Variants in SORCS3 observed in about 807,000 individuals in gnomAD.
SORCS3 encodes the protein sortilin related VPS10 domain containing receptor 3.
In SORCS3, 57 loss-of-function variants were observed where a neutral mutation model predicts 146.3. That is an observed-to-expected ratio of 0.39 (90% CI 0.31 to 0.49). The LOEUF is 0.49. SORCS3 is among the 20% of genes least tolerant of loss of function. The pLI is 0.92. For missense variants in SORCS3, 1,341 were observed against 1,575.5 expected (o/e 0.85, Z 2.52); for synonymous variants, 653 against 618.5 (o/e 1.06, Z -0.83).
At chr10:105,160,456 G>A (rs191491484) in intron 11 of SORCS3, among the ~76,000 whole-genome samples, 5 of 152,118 alleles carry the variant, frequency 3.3e-5, no homozygotes, top group East Asian at 1.9e-4. Context: ...GTGAAACCCC[G>A]TCTCTACCAA....
chr10:105,146,870 T>TAGTGA (rs2056135071), intron 8 of SORCS3, among the ~76,000 whole-genome samples: 1 of 152,112 alleles, frequency 6.6e-6, no homozygotes, highest in Admixed American at 6.6e-5. Context: ...TCCAACCTCT[T>TAGTGA]CACTAGGTGA....
At chr10:105,194,254 T>C (rs2056532786) in intron 14 of SORCS3, among the ~76,000 whole-genome samples, 1 of 152,146 alleles carries the variant, frequency 6.6e-6, no homozygotes, top group African/African-American at 2.4e-5. Flanking sequence ...GTACGTACCT[T>C]GATAAAAGGA....
At chr10:104,895,488 T>C (rs2018789163) in intron 2 of SORCS3, among the ~76,000 whole-genome samples, 1 of 152,164 alleles carries the variant, frequency 6.6e-6, no homozygotes, top group African/African-American at 2.4e-5. Flanking sequence ...CACTTTGCCT[T>C]CCTAAGAACT....
intron 4 of SORCS3, among the ~76,000 whole-genome samples, chr10:104,988,591 G>A (rs1332768054): frequency 6.6e-6 from 1 of 152,100 alleles, no homozygotes; most frequent in Non-Finnish European, 1.5e-5. Context: ...ATTAAACCAA[G>A]GTGTTTGTCA....
At chr10:104,703,220 A>G (rs748498303) in intron 1 of SORCS3, among the ~76,000 whole-genome samples, 1 of 152,172 alleles carries the variant, frequency 6.6e-6, no homozygotes, top group Non-Finnish European at 1.5e-5. Context: ...GCAGGGAAAG[A>G]ATGAAAACCA....
At chr10:105,055,473 C>G (rs1264197474) in intron 5 of SORCS3, among the ~76,000 whole-genome samples, 2 of 152,134 alleles carry the variant, frequency 1.3e-5, no homozygotes, top group Non-Finnish European at 2.9e-5. Flanking sequence ...CCTTTGTGAC[C>G]AGTGCTCCAC....
intron 2 of SORCS3, among the ~76,000 whole-genome samples, chr10:104,901,815 G>A (rs2018853915): frequency 6.6e-6 from 1 of 152,120 alleles, no homozygotes; most frequent in Middle Eastern, 3.2e-3. Flanking sequence ...TATTCCCACT[G>A]GTGCCTAGAT....
At chr10:104,870,263 A>G (rs906501894) in intron 2 of SORCS3, among the ~76,000 whole-genome samples, 1 of 152,202 alleles carries the variant, frequency 6.6e-6, no homozygotes, top group African/African-American at 2.4e-5. Context: ...TGCACCTCTC[A>G]GCCAATCTTA....
chr10:104,825,478 C>T (rs2017924861), intron 1 of SORCS3, among the ~76,000 whole-genome samples: 1 of 152,324 alleles, frequency 6.6e-6, no homozygotes, highest in South Asian at 2.1e-4. Context: ...TGTTAATGAT[C>T]ATCTCTGGAG....
At chr10:105,174,124 CA>C (rs2056381292) in intron 13 of SORCS3, among the ~76,000 whole-genome samples, 1 of 152,126 alleles carries the variant, frequency 6.6e-6, no homozygotes, top group African/African-American at 2.4e-5. Flanking sequence ...AGGTCACTGC[CA>C]GATCAGGCAC....
At chr10:104,968,630 A>T (rs1329939201) in intron 3 of SORCS3, among the ~76,000 whole-genome samples, 1 of 152,160 alleles carries the variant, frequency 6.6e-6, no homozygotes, top group East Asian at 1.9e-4. Context: ...CAAAATTAAA[A>T]TCTCTAGTGG....
chr10:105,127,248 G>A (rs930473176), intron 7 of SORCS3, among the ~76,000 whole-genome samples: 1 of 151,930 alleles, frequency 6.6e-6, no homozygotes, highest in African/African-American at 2.4e-5. Flanking sequence ...CCTGATTTTC[G>A]AAGGCATGGT....
intron 16 of SORCS3, among the ~76,000 whole-genome samples, chr10:105,205,304 G>C (rs1393755987): frequency 6.6e-6 from 1 of 152,188 alleles, no homozygotes; most frequent in Non-Finnish European, 1.5e-5. Flanking sequence ...TGCAAGAAAA[G>C]AGGAGGTTTT....
chr10:104,671,061 G>A (rs369803497), intron 1 of SORCS3, among the ~76,000 whole-genome samples: 28 of 150,532 alleles, frequency 1.9e-4, no homozygotes, highest in African/African-American at 6.8e-4. Flanking sequence ...AACTTTAAGT[G>A]TTCTACATAC....
chr10:104,991,524 CAG>C (rs1254812061), intron 4 of SORCS3, among the ~76,000 whole-genome samples: 1 of 141,420 alleles, frequency 7.1e-6, no homozygotes, highest in Non-Finnish European at 1.5e-5. Flanking sequence ...TTTTTTGAGA[CAG>C]AGTCTTGCTC....
rs530134725 is a variant in SORCS3 at position 105,029,955 on chromosome 10, G to A, written c.955-13100G>A. Among the ~76,000 whole-genome samples, 14 of 152,252 alleles carry A rather than the reference G, an allele frequency of 9.2e-5. No homozygotes were observed. The East Asian group carries it at 2.7e-3, about 29-fold the overall frequency. On this transcript the variant is annotated intron_variant, in intron 4 of 26. Transcript: ENST00000369701. ...ACCCACTGAATTGGATTTTCTGGAG[G>A]GGATACTGGAATGTACATTTTTAAC...
intron 15 of SORCS3, among the ~76,000 whole-genome samples, chr10:105,200,848 T>C (rs2056570291): frequency 6.6e-6 from 1 of 152,118 alleles, no homozygotes. Context: ...TTACATTCTC[T>C]ATGGAGGTGG....
At chr10:104,762,639 A>C (rs1169684611) in intron 1 of SORCS3, among the ~76,000 whole-genome samples, 2 of 152,164 alleles carry the variant, frequency 1.3e-5, no homozygotes, top group Non-Finnish European at 2.9e-5. Flanking sequence ...AGGTGATCAG[A>C]TTATGGGGGC....
intron 1 of SORCS3, among the ~76,000 whole-genome samples, chr10:104,694,612 GA>G (rs889354393): frequency 6.6e-6 from 1 of 152,152 alleles, no homozygotes; most frequent in African/African-American, 2.4e-5. Context: ...TGTCAAGGGT[GA>G]AAAGGCCTGG....
Sources: allele counts gnomAD v4.1 joint callset (sites outside exome capture counted in the v4.1 genomes callset), GRCh38; gene constraint gnomAD v4.1.1; transcripts MANE v1.5; gene names NCBI Gene and HGNC (gene_info 2026-07-23, HGNC 2026-07-21).